The following PCCA variants were observed in gnomAD, a reference collection of about 807,000 sequenced individuals.
The protein encoded by PCCA is propionyl-CoA carboxylase subunit alpha, also known as propionyl-CoA carboxylase alpha chain, mitochondrial.
Under a neutral mutation model 101.3 loss-of-function variants are expected in PCCA, and 74 were observed. That is an observed-to-expected ratio of 0.73 (90% confidence interval 0.61 to 0.89). The LOEUF (loss-of-function observed/expected upper bound fraction) is 0.89, where lower values mean the gene tolerates loss of function less well. PCCA is among the 40% of genes least tolerant of loss of function. The probability of loss-of-function intolerance (pLI) is 0.00; values close to 1 mark genes in which losing one functional copy is unlikely to be tolerated. For synonymous variants in PCCA, 294 were observed against 313.6 expected, an observed-to-expected ratio of 0.94 and a Z score of 0.66; for missense variants, 891 against 907.0, an observed-to-expected ratio of 0.98 and a Z score of 0.23.
intron 21 of PCCA, among the ~76,000 whole-genome samples, chr13:100,449,507 G>A (rs982302785): frequency 6.6e-6 from 1 of 151,984 alleles, no homozygotes; most frequent in East Asian, 1.9e-4. Flanking sequence ...TCTTTTTTGA[G>A]ACAGAGTCTC....
chr13:100,307,346 TC>T (rs1487510323), intron 15 of PCCA, 86 bp downstream of exon 15: 5 of 901,500 alleles, frequency 5.5e-6, no homozygotes, highest in Admixed American at 2.0e-5. Flanking sequence ...TTTATCTGAA[TC>T]ATAAGCTATA....
At chr13:100,239,953 C>G (rs989682638) in intron 8 of PCCA, among the ~76,000 whole-genome samples, 1 of 152,146 alleles carries the variant, frequency 6.6e-6, no homozygotes, top group African/African-American at 2.4e-5. Context: ...CTGGATGCCT[C>G]TTTTCCTCAT....
chr13:100,465,176 C>T (rs1041804011), intron 21 of PCCA, among the ~76,000 whole-genome samples: 1 of 152,038 alleles, frequency 6.6e-6, no homozygotes, highest in Non-Finnish European at 1.5e-5. Flanking sequence ...GAAAAGCTGA[C>T]CCCCCATGTC....
At chr13:100,326,688 C>T (rs890571024) in intron 16 of PCCA, among the ~76,000 whole-genome samples, 3 of 152,084 alleles carry the variant, frequency 2.0e-5, no homozygotes, top group African/African-American at 4.8e-5. Context: ...CTTCCTCCTT[C>T]TCCTCAGTCT....
chr13:100,198,277 T>G (rs2058243963), intron 6 of PCCA: 2 of 152,258 alleles, frequency 1.3e-5, no homozygotes, highest in African/African-American at 4.8e-5. Flanking sequence ...TCATCTCGTC[T>G]GTGATTTCAG....
intron 8 of PCCA, among the ~76,000 whole-genome samples, chr13:100,245,147 G>A (rs2061363728): frequency 6.6e-6 from 1 of 152,114 alleles, no homozygotes; most frequent in African/African-American, 2.4e-5. Flanking sequence ...TAACTATTTT[G>A]TGATTTAAAG....
At position 100,515,685 on chromosome 13, in the gene PCCA, C is replaced by T. The variant is rs36103425; in HGVS notation, c.2040+118C>T. 0.3 allele frequency: 360,147 copies of T among 1,199,426 alleles called. 59,231 individuals carry two copies. The highest frequency in any genetic ancestry group is 0.4 in the Middle Eastern group (1,479 of 3,686). The allele number at this position is 1,199,426 out of a possible 1,614,324, so 74.3% of individuals were successfully genotyped here. On this transcript the variant is annotated intron_variant, in intron 22 of 23. Transcript: ENST00000376285. ...TGCAGTTCTTACTTAACCGACGCCC[C>T]CTAAACAGCAAAATCGATTGCGTGT...
intron 18 of PCCA, 69 bp downstream of exon 18, chr13:100,340,328 T>C (rs2071108890): frequency 1.2e-6 from 1 of 845,696 alleles, no homozygotes; most frequent in Admixed American, 1.7e-5. Flanking sequence ...ACATAGGAAA[T>C]ACTAATAAAA....
Position 100,394,157 on chromosome 13 carries a change from A to G in PCCA, c.1746+25583A>G, listed in dbSNP as rs2076942869. On this transcript the variant is annotated intron_variant, in intron 19 of 23. Coordinates refer to ENST00000376285, the MANE Select transcript of PCCA (RefSeq NM_000282.4). This position sits in a 1 kb window ranked among gnomAD's most constrained non-coding sequence, Gnocchi z 4.3. The stretch of plus-strand genomic sequence containing the variant: ...GGCGGTTTGAGATGCAGCTTCTCAG[A>G]TGGATTTAATTAGTCCTTCGTAGAA... Among the ~76,000 whole-genome samples, 1 of 152,188 alleles carries G rather than the reference A, an allele frequency of 6.6e-6. No homozygotes were observed. The highest frequency in any genetic ancestry group is 2.4e-5 in the African/African-American group (1 of 41,436).
chr13:100,184,632 C>T (rs975293778), intron 6 of PCCA, among the ~76,000 whole-genome samples: 1 of 152,128 alleles, frequency 6.6e-6, no homozygotes, highest in African/African-American at 2.4e-5. Flanking sequence ...ATTCTAAATA[C>T]TCAGCTCTTC....
intron 19 of PCCA, among the ~76,000 whole-genome samples, chr13:100,376,367 C>A (rs2075902627): frequency 6.6e-6 from 1 of 152,208 alleles, no homozygotes; most frequent in Non-Finnish European, 1.5e-5. Context: ...GTTAACAGAG[C>A]TGGAGTGCTG....
At chr13:100,328,741 G>A (rs2069074329) in intron 16 of PCCA, among the ~76,000 whole-genome samples, 1 of 142,914 alleles carries the variant, frequency 7.0e-6, no homozygotes, top group Admixed American at 7.2e-5. Context: ...TCGCTGAGGT[G>A]GGAGTGCAGT....
At chr13:100,110,118 G>A (rs996940406) in intron 2 of PCCA, among the ~76,000 whole-genome samples, 3 of 152,140 alleles carry the variant, frequency 2.0e-5, no homozygotes, top group African/African-American at 7.2e-5. Flanking sequence ...GGGCGACAGA[G>A]TGAGACTCCA....
At position 100,209,410 on chromosome 13, in the gene PCCA, T is replaced by C; in HGVS notation, c.547T>C (p.Leu183=). 2 of 1,613,492 alleles carry C rather than the reference T, an allele frequency of 1.2e-6. No individual in the cohort carries two copies. The highest frequency in any genetic ancestry group is 1.3e-5 in the African/African-American group (1 of 75,038). Residue 183 remains leucine (L), a synonymous_variant, in exon 7 of 24, where the codon TTA becomes CTA. Transcript: ENST00000376285. ...AMGDKIESKL[L]AKKAEVNTIP... ...GGGCGACAAGATTGAAAGCAAATTA[T>C]TAGCTAAGAAAGCAGAGGTTAATAC...
At chr13:100,440,206 AT>A (rs1566308584) in intron 20 of PCCA, among the ~76,000 whole-genome samples, 92 of 113,076 alleles carry the variant, frequency 8.1e-4, no homozygotes, top group Non-Finnish European at 1.3e-3. Context: ...ATATATATAT[AT>A]ATAAAACGTG....
intron 7 of PCCA, among the ~76,000 whole-genome samples, chr13:100,233,984 ACCTTTTAAAACTTGCCT>A (rs987806013): frequency 2.7e-4 from 41 of 152,308 alleles, no homozygotes; most frequent in African/African-American, 9.4e-4. Flanking sequence ...TTTTTGAATT[ACCTTTTAAAACTTGCCT>A]GTTAGTTCTC....
intron 6 of PCCA, among the ~76,000 whole-genome samples, chr13:100,194,853 G>C (rs569055939): frequency 6.6e-6 from 1 of 152,250 alleles, no homozygotes; most frequent in East Asian, 1.9e-4. Context: ...GAGCAGGAAG[G>C]GGTGGCATTG....
intron 12 of PCCA, among the ~76,000 whole-genome samples, chr13:100,300,376 C>G (rs559863677): frequency 6.6e-6 from 1 of 151,948 alleles, no homozygotes; most frequent in Non-Finnish European, 1.5e-5. Context: ...GCATTGTCTG[C>G]TTATGATAAG....
In PCCA at chr13:100,112,039, A is replaced by C; in HGVS notation, c.278A>C (p.His93Pro). ...ATGGGCATTAAGACAGTTGCCATCC[A>C]CAGTGATGTTGATGCTAGTTCTGTA... ...KKMGIKTVAI[H>P]SDVDASSVHV... is the part of the protein sequence containing the mutation. Residue 93 changes from histidine (H) to proline (P), a missense_variant, in exon 4 of 24, where the codon CAC becomes CCC. Physicochemically the swap from His to Pro is moderately conservative, Grantham distance 77. Coordinates refer to ENST00000376285, the MANE Select transcript of PCCA (RefSeq NM_000282.4). 1 of 1,611,048 alleles carries C rather than the reference A, an allele frequency of 6.2e-7. No individual in the cohort carries two copies. The highest frequency in any genetic ancestry group is 8.5e-7 in the Non-Finnish European group (1 of 1,178,664).
Sources: gnomAD v4.1 joint callset for allele counts (sites outside exome capture counted in the v4.1 genomes callset) on GRCh38, gnomAD v4.1.1 for gene constraint, Gnocchi (gnomAD v3.1) non-coding constraint, MANE v1.5 for transcripts, NCBI Gene and HGNC (gene_info 2026-07-23, HGNC 2026-07-21) for gene names.